VWC2: variants seen among roughly 807,000 people sequenced by gnomAD.
VWC2 encodes von Willebrand factor C domain containing 2.
VWC2 carries 14 observed loss-of-function variants against 29.8 expected under a neutral mutation model. The observed-to-expected ratio is 0.47, with a 90% CI of 0.31 to 0.74. VWC2 has a LOEUF of 0.74. VWC2 is among the 30% of genes least tolerant of loss of function. VWC2 has a pLI of 0.05. For synonymous variants in VWC2, 213 were observed against 199.0 expected (o/e 1.07, Z -0.59); for missense variants, 457 against 459.8 (o/e 0.99, Z 0.05).
chr7:49,877,847 A>T (rs905144847), intron 3 of VWC2, among the ~76,000 whole-genome samples: 1 of 151,836 alleles, frequency 6.6e-6, no homozygotes, highest in Non-Finnish European at 1.5e-5. Context: ...TTTCCCCACC[A>T]CACTGTTAAG....
intron 3 of VWC2, among the ~76,000 whole-genome samples, chr7:49,906,369 C>G (rs943817644): frequency 6.6e-6 from 1 of 152,146 alleles, no homozygotes; most frequent in South Asian, 2.1e-4. Flanking sequence ...GAGTCTTGCT[C>G]TGTCGCCCAG....
intron 2 of VWC2, among the ~76,000 whole-genome samples, chr7:49,798,186 C>G (rs692647): frequency 0.62 from 94,165 of 152,170 alleles, 29,998 homozygotes; most frequent in African/African-American, 0.71. Flanking sequence ...TGAGTTGGCA[C>G]GTGGGGAACC....
Position 49,775,490 on chromosome 7 carries a change from A to G in VWC2, c.55A>G (p.Thr19Ala), listed in dbSNP as rs761171188. 6.4e-7 allele frequency: 1 copy of G among 1,554,580 alleles called. No homozygotes were observed. Among genetic ancestry groups the G allele is most frequent in the East Asian group, 2.6e-5 (1 of 38,882 alleles). The change falls in exon 2 of 4, where the codon ACC becomes GCC. Residue 19 changes from threonine to alanine, a missense_variant. Physicochemically the swap from Thr to Ala is moderately conservative, Grantham distance 58. Coordinates refer to ENST00000340652, the MANE Select transcript of VWC2 (RefSeq NM_198570.5). ...CGCGCTCTCCAGTTCCCTCCTGGTC[A>G]CCTGCTGCCTGATGGTGGCTCTGTG... Reference protein sequence around the residue: ...VGALSSSLLVTCCLMVALCSP... With the variant: ...VGALSSSLLVACCLMVALCSP...
intron 3 of VWC2, among the ~76,000 whole-genome samples, chr7:49,803,667 C>T (rs541976087): frequency 2.0e-5 from 3 of 152,260 alleles, no homozygotes. Flanking sequence ...ACTTGTGATG[C>T]TGTCGGCCGT....
intron 3 of VWC2, among the ~76,000 whole-genome samples, chr7:49,829,375 T>G (rs778659018): frequency 1.2e-4 from 18 of 152,224 alleles, no homozygotes; most frequent in Non-Finnish European, 2.5e-4. Flanking sequence ...AGGGAGTTCC[T>G]TGTTCTCCAG....
At chr7:49,779,015 G>A (rs945671091) in intron 2 of VWC2, among the ~76,000 whole-genome samples, 1 of 151,368 alleles carries the variant, frequency 6.6e-6, no homozygotes, top group Non-Finnish European at 1.5e-5. Context: ...TCCTTTAACA[G>A]TCTGTTCTCT....
chr7:49,885,139 A>G (rs1008207014), intron 3 of VWC2, among the ~76,000 whole-genome samples: 5 of 152,080 alleles, frequency 3.3e-5, no homozygotes, highest in African/African-American at 1.2e-4. Context: ...CTAAAGGAGA[A>G]ACAGAAAAAT....
rs529780746 is a variant in VWC2, at chr7:49,917,532, T to C, written c.*5347T>C. ...CATAAAACCTCTGGCTGACCTATTATATAGGCACAGAATTATCAAAAGCAA... is the reference window on the plus strand; with the variant it reads ...CATAAAACCTCTGGCTGACCTATTACATAGGCACAGAATTATCAAAAGCAA... On this transcript the variant is annotated 3_prime_UTR_variant, in exon 4 of 4. Transcript: ENST00000340652. The C allele has an allele frequency of 1.3e-5, 2 of 152,160 alleles. No individual in the cohort carries two copies. The highest frequency in any genetic ancestry group is 2.9e-5 in the Non-Finnish European group (2 of 67,998). 9.4% of individuals were successfully genotyped at this position (152,160 alleles called of 1,614,324 possible). A position where few individuals can be genotyped will look rare whatever the true frequency, so the allele number is the denominator to read the frequency against.
At chr7:49,792,189 A>G (rs1562706866) in intron 2 of VWC2, among the ~76,000 whole-genome samples, 1 of 152,206 alleles carries the variant, frequency 6.6e-6, no homozygotes. Flanking sequence ...TCCCGGAATC[A>G]GTCCCCCATG....
chr7:49,882,864 T>TTTG (rs201572339), intron 3 of VWC2, among the ~76,000 whole-genome samples: 6,989 of 152,008 alleles, frequency 0.046, 172 homozygotes, highest in Middle Eastern at 0.061. Context: ...TTTTTTTGTT[T>TTTG]TTGTTGTTGT....
intron 3 of VWC2, among the ~76,000 whole-genome samples, chr7:49,833,739 C>A (rs1789591442): frequency 1.3e-5 from 2 of 152,072 alleles, no homozygotes; most frequent in South Asian, 2.1e-4. Flanking sequence ...GGGAATCAAC[C>A]CTGTCCAGTT....
At chr7:49,905,086 A>G (rs1359737118) in intron 3 of VWC2, among the ~76,000 whole-genome samples, 1 of 152,166 alleles carries the variant, frequency 6.6e-6, no homozygotes, top group Non-Finnish European at 1.5e-5. Flanking sequence ...TAAGCTAAAA[A>G]TCACTTAAGA....
At chr7:49,779,838 C>T (rs1788136148) in intron 2 of VWC2, among the ~76,000 whole-genome samples, 1 of 152,192 alleles carries the variant, frequency 6.6e-6, no homozygotes, top group African/African-American at 2.4e-5. Flanking sequence ...AGATGTCCAT[C>T]TTCTTCCTGT....
intron 3 of VWC2, among the ~76,000 whole-genome samples, chr7:49,850,914 T>G: frequency 6.6e-6 from 1 of 152,226 alleles, no homozygotes; most frequent in South Asian, 2.1e-4. Flanking sequence ...GTGAAGTGAT[T>G]GTGGCACCAG....
chr7:49,910,374 G>A (rs1170129631), intron 3 of VWC2, among the ~76,000 whole-genome samples: 7 of 152,050 alleles, frequency 4.6e-5, no homozygotes, highest in African/African-American at 7.3e-5. Context: ...GACTTCACAC[G>A]CTATAATTAA....
chr7:49,922,040 T>C (rs979069563), downstream of VWC2: 4 of 152,204 alleles, frequency 2.6e-5, no homozygotes, highest in Non-Finnish European at 5.9e-5. Flanking sequence ...AAATAAAATG[T>C]ATATACGTCA....
chr7:49,791,210 G>A (rs551783577), intron 2 of VWC2, among the ~76,000 whole-genome samples: 6 of 152,294 alleles, frequency 3.9e-5, no homozygotes, highest in South Asian at 2.1e-4. Context: ...TTGCCTCTAC[G>A]TGCACCCTAA....
Position 49,844,938 on chromosome 7 carries a change from C to T in VWC2, c.826+42098C>T, listed in dbSNP as rs183987487. 5.8e-4 allele frequency among the ~76,000 whole-genome samples: 89 copies of T among 152,298 alleles called. 1 individual carries two copies. Among genetic ancestry groups the T allele is most frequent in the African/African-American group, 1.9e-3 (81 of 41,566 alleles). ...CCCCAGGTGATCTGCCCACCTTGGCCTCCCAAAGTGCTGGAATTACAGGCA... is the reference window on the plus strand; with the variant it reads ...CCCCAGGTGATCTGCCCACCTTGGCTTCCCAAAGTGCTGGAATTACAGGCA... On this transcript the variant is annotated intron_variant, in intron 3 of 3. Coordinates refer to ENST00000340652, the MANE Select transcript of VWC2 (RefSeq NM_198570.5).
At chr7:49,889,962 A>C (rs1233423269) in intron 3 of VWC2, among the ~76,000 whole-genome samples, 4 of 152,178 alleles carry the variant, frequency 2.6e-5, no homozygotes, top group Admixed American at 1.3e-4. Context: ...TCTCAATTTT[A>C]ATCTTGTGAT....
Sources: gnomAD v4.1 joint callset for allele counts (sites outside exome capture counted in the v4.1 genomes callset) on GRCh38, gnomAD v4.1.1 for gene constraint, MANE v1.5 for transcripts, NCBI Gene and HGNC (gene_info 2026-07-23, HGNC 2026-07-21) for gene names.